Variants in IQSEC1 observed in about 807,000 individuals in gnomAD.
IQSEC1 encodes IQ motif and SEC7 domain-containing protein 1.
IQSEC1 carries 31 observed loss-of-function variants against 91.0 expected under a neutral mutation model. The observed-to-expected ratio is 0.34, with a 90% CI of 0.26 to 0.46. The LOEUF (loss-of-function observed/expected upper bound fraction) is 0.46, where lower values mean the gene tolerates loss of function less well. Among genes scored for constraint, IQSEC1 ranks in the 20% least tolerant of loss-of-function variants. IQSEC1 has a pLI of 1.00. For synonymous variants in IQSEC1, 699 were observed against 662.6 expected, an observed-to-expected ratio of 1.05 and a Z score of -0.84; for missense variants, 1,388 against 1,575.6, an observed-to-expected ratio of 0.88 and a Z score of 2.02.
intron 1 of IQSEC1, among the ~76,000 whole-genome samples, chr3:13,176,278 A>G (rs1185023998): frequency 6.6e-6 from 1 of 152,218 alleles, no homozygotes; most frequent in Non-Finnish European, 1.5e-5. Flanking sequence ...CTCAGCCAGA[A>G]CAACGTCAGA....
chr3:13,045,268 C>T (rs1251780221), intron 1 of IQSEC1, among the ~76,000 whole-genome samples: 5 of 152,214 alleles, frequency 3.3e-5, no homozygotes, highest in Non-Finnish European at 7.3e-5. Flanking sequence ...TTATTTTCTC[C>T]ATAGCTCTTG....
At chr3:13,051,443 C>A (rs1051194293) in intron 1 of IQSEC1, among the ~76,000 whole-genome samples, 1 of 152,046 alleles carries the variant, frequency 6.6e-6, no homozygotes, top group African/African-American at 2.4e-5. Flanking sequence ...AGAGCAGCCC[C>A]AGGGAATGGG....
chr3:13,273,200 T>C (rs950397052), intron 1 of IQSEC1, among the ~76,000 whole-genome samples: 2 of 152,182 alleles, frequency 1.3e-5, no homozygotes, highest in African/African-American at 4.8e-5. Context: ...GCTGCTGGCC[T>C]GGCCCCAGAG....
At position 12,922,814 on chromosome 3, in the gene IQSEC1, C is replaced by T. The variant is rs746376799; in HGVS notation, c.1731-572G>A. On this transcript the variant is annotated intron_variant, in intron 4 of 13. Coordinates refer to ENST00000613206, the MANE Select transcript of IQSEC1 (RefSeq NM_001134382.3). The surrounding 1 kb of genome is among the most constrained non-coding windows in gnomAD (Gnocchi z 5.1). ...TGGAGGGGCGGCTGATGAATGGTCT[C>T]CACATTCTTCCCATGGCCCTGCCCC... is the stretch of plus-strand genomic sequence containing the variant. 6.6e-6 allele frequency among the ~76,000 whole-genome samples: 1 copy of T among 152,074 alleles called. No homozygotes were observed. Among genetic ancestry groups the T allele is most frequent in the Non-Finnish European group, 1.5e-5 (1 of 68,012 alleles).
chr3:12,915,759 C>T, intron 6 of IQSEC1, 26 bp from the exon 7 acceptor site: 1 of 1,610,808 alleles, frequency 6.2e-7, no homozygotes, highest in Non-Finnish European at 8.5e-7. Context: ...AGCTGGATAT[C>T]AGGGTGGGCC....
At position 13,062,134 on chromosome 3, in the gene IQSEC1, C is replaced by T. The variant is rs189028921; in HGVS notation, c.23+10858G>A. ...TCACTGACAGTAATCACGGAAATCC[C>T]TTTGACTTGAGTTTCTGCCGTTTGC... On this transcript the variant is annotated intron_variant, in intron 1 of 13. Transcript: ENST00000613206. Among the ~76,000 whole-genome samples the T allele has an allele frequency of 1.8e-4, 27 of 152,296 alleles. 1 individual carries two copies. Among genetic ancestry groups the T allele is most frequent in the Admixed American group, 1.4e-3 (21 of 15,304 alleles).
intron 1 of IQSEC1, among the ~76,000 whole-genome samples, chr3:13,007,567 A>G (rs767153025): frequency 4.6e-5 from 7 of 152,252 alleles, no homozygotes; most frequent in Non-Finnish European, 5.9e-5. Flanking sequence ...CCCCCCTGCA[A>G]GATAGGGCAG....
At chr3:13,177,644 G>A (rs1232411916) in intron 1 of IQSEC1, among the ~76,000 whole-genome samples, 1 of 152,214 alleles carries the variant, frequency 6.6e-6, no homozygotes, top group Non-Finnish European at 1.5e-5. Flanking sequence ...GGAGGTGAGA[G>A]GGGAACTCCA....
intron 1 of IQSEC1, among the ~76,000 whole-genome samples, chr3:13,239,127 A>G (rs1694979089): frequency 6.6e-6 from 1 of 152,208 alleles, no homozygotes; most frequent in Non-Finnish European, 1.5e-5. Context: ...GCAGAGTTAG[A>G]GCAAGTTATG....
chr3:13,026,589 G>A (rs143182874), intron 1 of IQSEC1, among the ~76,000 whole-genome samples: 2 of 152,330 alleles, frequency 1.3e-5, no homozygotes, highest in African/African-American at 2.4e-5. Flanking sequence ...AAATGAAAAC[G>A]ATTTCCCACA....
intron 1 of IQSEC1, among the ~76,000 whole-genome samples, chr3:13,041,886 G>C (rs1175568576): frequency 6.6e-6 from 1 of 152,200 alleles, no homozygotes; most frequent in Non-Finnish European, 1.5e-5. Context: ...CCAAACTTGT[G>C]CTTAGGGAGG....
At chr3:12,988,111 A>G (rs1161952722) in intron 1 of IQSEC1, among the ~76,000 whole-genome samples, 1 of 152,210 alleles carries the variant, frequency 6.6e-6, no homozygotes, top group Non-Finnish European at 1.5e-5. Flanking sequence ...ATACAATGAA[A>G]TACTATTTAT....
intron 1 of IQSEC1, among the ~76,000 whole-genome samples, chr3:13,066,078 G>A (rs1576230069): frequency 6.6e-6 from 1 of 152,306 alleles, no homozygotes; most frequent in African/African-American, 2.4e-5. Context: ...AGGGGCTGGG[G>A]ATGCAAGATG....
At chr3:13,175,667 A>G (rs528057644) in intron 1 of IQSEC1, among the ~76,000 whole-genome samples, 107 of 152,352 alleles carry the variant, frequency 7.0e-4, no homozygotes, top group African/African-American at 2.5e-3. Flanking sequence ...CTGGCTTATA[A>G]ACAGGATAAA....
intron 1 of IQSEC1, among the ~76,000 whole-genome samples, chr3:13,239,795 G>A (rs1694989223): frequency 6.6e-6 from 1 of 152,268 alleles, no homozygotes; most frequent in Admixed American, 6.5e-5. Flanking sequence ...GACGAAGCCT[G>A]CAGGACCACG....
intron 1 of IQSEC1, among the ~76,000 whole-genome samples, chr3:13,057,129 C>G (rs566246376): frequency 1.6e-4 from 25 of 152,276 alleles, no homozygotes; most frequent in African/African-American, 4.6e-4. Context: ...TACACAGAGG[C>G]CTTATCCTGA....
chr3:12,924,465 CA>C lies in IQSEC1; in HGVS notation c.1730+115del. ...ACTTAGGAAGAGAGAAAGGGGGGCC[CA>C]CCACATGTCCCAGCAAGTAGGGTGG... On this transcript the variant is annotated intron_variant, in intron 4 of 13. Coordinates refer to ENST00000613206, the MANE Select transcript of IQSEC1 (RefSeq NM_001134382.3). The surrounding 1 kb of genome is among the most constrained non-coding windows in gnomAD (Gnocchi z 6.3). 9.4e-7 allele frequency: 1 copy of C among 1,068,132 alleles called. No homozygotes were observed. Among genetic ancestry groups the C allele is most frequent in the Middle Eastern group, 2.1e-4 (1 of 4,728 alleles). 66.2% of individuals were successfully genotyped at this position (1,068,132 alleles called of 1,614,324 possible).
intron 1 of IQSEC1, among the ~76,000 whole-genome samples, chr3:13,260,322 T>C (rs747910613): frequency 6.6e-6 from 1 of 152,196 alleles, no homozygotes; most frequent in Admixed American, 6.5e-5. Flanking sequence ...AACTCCCAGG[T>C]TGACATTTTG....
rs746109178 is a variant in IQSEC1, at chr3:13,202,751, G to A, written c.273-38618C>T. Among the ~76,000 whole-genome samples, 6 of 152,270 alleles carry A rather than the reference G, an allele frequency of 3.9e-5. No homozygotes were observed. The East Asian group carries it at 7.7e-4, about 20-fold the overall frequency. On this transcript the variant is annotated intron_variant, in intron 1 of 15. Transcript: ENST00000648114. Reference sequence around the variant, plus strand: ...ATGAATGTACTAATACCCCTGAACCGTACACTCAAAGATGGTTACGATGGT... The same window carrying A: ...ATGAATGTACTAATACCCCTGAACCATACACTCAAAGATGGTTACGATGGT...
Sources: allele counts gnomAD v4.1 joint callset (sites outside exome capture counted in the v4.1 genomes callset), GRCh38; gene constraint gnomAD v4.1.1; non-coding constraint Gnocchi (gnomAD v3.1); transcripts MANE v1.5; gene names NCBI Gene and HGNC (gene_info 2026-07-23, HGNC 2026-07-21).